Variants in DPP10 observed in about 807,000 individuals in gnomAD.
DPP10 encodes inactive dipeptidyl peptidase 10.
In DPP10, 33 loss-of-function variants were observed where a neutral mutation model predicts 120.9. The ratio of observed to expected loss-of-function variants is 0.27; its 90% CI spans 0.21 to 0.37. DPP10 has a LOEUF of 0.37. Among genes scored for constraint, DPP10 ranks in the 10% least tolerant of loss-of-function variants. The pLI, the probability that DPP10 is intolerant of heterozygous loss-of-function variation, is 1.00. For synonymous variants in DPP10, 337 were observed against 326.1 expected (o/e 1.03, Z -0.36); for missense variants, 816 against 942.8 (o/e 0.87, Z 1.76).
intron 1 of DPP10, among the ~76,000 whole-genome samples, chr2:114,633,300 G>A (rs1401563021): frequency 3.1e-5 from 4 of 130,326 alleles, no homozygotes; most frequent in Non-Finnish European, 6.2e-5. Context: ...CACCCAGGCT[G>A]GAGTGCAGTG....
intron 5 of DPP10, among the ~76,000 whole-genome samples, chr2:115,644,403 A>G (rs957375114): frequency 1.1e-4 from 17 of 152,198 alleles, no homozygotes; most frequent in African/African-American, 3.9e-4. Flanking sequence ...ATGAGTGAGA[A>G]CATGCGGTGT....
At chr2:115,390,107 A>G (rs144683400) in intron 3 of DPP10, among the ~76,000 whole-genome samples, 1 of 152,198 alleles carries the variant, frequency 6.6e-6, no homozygotes, top group Non-Finnish European at 1.5e-5. Flanking sequence ...GTCAGCTCTT[A>G]TTACAGTGAC....
intron 19 of DPP10, among the ~76,000 whole-genome samples, chr2:115,791,636 C>G (rs1213732222): frequency 6.6e-6 from 1 of 152,212 alleles, no homozygotes; most frequent in Non-Finnish European, 1.5e-5. Context: ...TTAGCAATTA[C>G]TCAAGCCCTG....
intron 3 of DPP10, among the ~76,000 whole-genome samples, chr2:115,403,440 C>A (rs1166684882): frequency 8.1e-6 from 1 of 124,108 alleles, no homozygotes; most frequent in African/African-American, 3.1e-5. Context: ...CACTCTGTTG[C>A]CCAGGCTGGA....
intron 17 of DPP10, 53 bp downstream of exon 17, chr2:115,782,452 A>G (rs1489160061): frequency 4.7e-6 from 7 of 1,497,456 alleles, no homozygotes; most frequent in Non-Finnish European, 5.6e-6. Flanking sequence ...TTAGTCTTAG[A>G]CATCGTGTTA....
rs116077002 is a variant in DPP10 at position 115,615,280 on chromosome 2, A to G, written c.442-74407A>G. ...ATAGATTCTTAGGTAGATGGAATCT[A>G]TTGGGAAAGGAAATCAATTTTACAC... On this transcript the variant is annotated intron_variant, in intron 5 of 25. Transcript: ENST00000410059. Among the ~76,000 whole-genome samples, 457 of 152,308 alleles carry G rather than the reference A, an allele frequency of 3.0e-3. 2 individuals are homozygous for G. The highest frequency in any genetic ancestry group is 0.01 in the African/African-American group (434 of 41,574).
At chr2:115,118,295 T>G (rs1184281039) in intron 1 of DPP10, among the ~76,000 whole-genome samples, 1 of 152,232 alleles carries the variant, frequency 6.6e-6, no homozygotes, top group East Asian at 1.9e-4. Flanking sequence ...CCTAGACCAT[T>G]TATTTACTCC....
chr2:114,677,658 G>A (rs1448057196), intron 1 of DPP10, among the ~76,000 whole-genome samples: 1 of 152,062 alleles, frequency 6.6e-6, no homozygotes, highest in Non-Finnish European at 1.5e-5. Context: ...AAATGATGGA[G>A]GCAATGTTTG....
intron 1 of DPP10, among the ~76,000 whole-genome samples, chr2:114,965,988 GAAA>G (rs986483217): frequency 1.0e-5 from 1 of 99,986 alleles, no homozygotes; most frequent in Non-Finnish European, 2.1e-5. Context: ...AAAAAAAAAA[GAAA>G]AAAAAAGAAA....
intron 1 of DPP10, among the ~76,000 whole-genome samples, chr2:114,770,959 G>T (rs1681195481): frequency 6.6e-6 from 1 of 152,124 alleles, no homozygotes; most frequent in Non-Finnish European, 1.5e-5. Context: ...CGACTGCAAT[G>T]GTGGAAAAGG....
intron 1 of DPP10, among the ~76,000 whole-genome samples, chr2:114,528,569 G>A (rs750877349): frequency 5.9e-5 from 9 of 151,692 alleles, no homozygotes; most frequent in Non-Finnish European, 7.4e-5. Context: ...TTGTGGGATG[G>A]TTGGTTATGA....
chr2:114,497,381 A>G (rs949407291), intron 1 of DPP10, among the ~76,000 whole-genome samples: 39 of 143,088 alleles, frequency 2.7e-4, no homozygotes, highest in African/African-American at 8.7e-4. Context: ...GTACATATAC[A>G]TATACATACA....
At position 115,499,496 on chromosome 2, in the gene DPP10, C is replaced by T; in HGVS notation, c.272-14C>T. On this transcript the variant is annotated splice_polypyrimidine_tract_variant and intron_variant, in intron 3 of 25. Transcript: ENST00000410059. ...CAATGTATTTGTCAATTGTGAATGT[C>T]TTTGTTGTTGCAGATACAGATGTGG... 5 of 1,600,666 alleles carry T rather than the reference C, an allele frequency of 3.1e-6. No individual in the cohort carries two copies. Among genetic ancestry groups the T allele is most frequent in the Admixed American group, 1.7e-5 (1 of 58,940 alleles).
intron 1 of DPP10, among the ~76,000 whole-genome samples, chr2:114,836,171 TA>T (rs949058207): frequency 6.6e-6 from 1 of 152,170 alleles, no homozygotes; most frequent in Non-Finnish European, 1.5e-5. Context: ...AATTCCCACC[TA>T]AAAATAATTT....
intron 1 of DPP10, among the ~76,000 whole-genome samples, chr2:114,782,399 T>C (rs967108940): frequency 6.6e-6 from 1 of 151,840 alleles, no homozygotes; most frequent in Non-Finnish European, 1.5e-5. Context: ...TTTACTTGAT[T>C]TACATTTGGC....
intron 2 of DPP10, among the ~76,000 whole-genome samples, chr2:115,316,196 A>G (rs2061783655): frequency 6.6e-6 from 1 of 152,196 alleles, no homozygotes; most frequent in Non-Finnish European, 1.5e-5. Context: ...TCATTTATTT[A>G]CATTCTAGAG....
At chr2:115,791,421 GACA>G in intron 19 of DPP10, 65 bp downstream of exon 19, 3 of 1,378,482 alleles carry the variant, frequency 2.2e-6, no homozygotes, top group Non-Finnish European at 3.0e-6. Context: ...TGTCTCACAT[GACA>G]ACATTTGATT....
chr2:115,790,050 A>G (rs1036774352), intron 17 of DPP10, among the ~76,000 whole-genome samples: 7 of 149,870 alleles, frequency 4.7e-5, no homozygotes, highest in African/African-American at 1.2e-4. Context: ...ATGTGAATGT[A>G]TATATATGGA....
intron 3 of DPP10, among the ~76,000 whole-genome samples, chr2:115,493,756 A>G (rs2076248730): frequency 6.6e-6 from 1 of 152,102 alleles, no homozygotes; most frequent in African/African-American, 2.4e-5. Context: ...ATTGCAGGTC[A>G]GTGATGATGC....
Sources: allele counts gnomAD v4.1 joint callset (sites outside exome capture counted in the v4.1 genomes callset), GRCh38; gene constraint gnomAD v4.1.1; transcripts MANE v1.5; gene names NCBI Gene and HGNC (gene_info 2026-07-23, HGNC 2026-07-21).